Variants in QTGAL observed in about 807,000 individuals in gnomAD.
QTGAL encodes the protein queuosine-tRNA galactosyltransferase, also known as BGnT-like protein 1.
the QTGAL span, among the ~76,000 whole-genome samples, chr17:83,046,091 TGGGATAACA>T: frequency 6.7e-6 from 1 of 150,288 alleles, no homozygotes; most frequent in Non-Finnish European, 1.5e-5. Context: ...CCCAAAGTGC[TGGGATAACA>T]GGCATGACCC....
At chr17:83,026,816 C>G in the QTGAL span, among the ~76,000 whole-genome samples, 4,338 of 34,298 alleles carry the variant, frequency 0.13, 9 homozygotes, top group African/African-American at 0.28. Context: ...ACACACAGAG[C>G]AGGGCGGGGA....
At chr17:83,048,155 T>C in the QTGAL span, among the ~76,000 whole-genome samples, 1 of 152,098 alleles carries the variant, frequency 6.6e-6, no homozygotes, top group African/African-American at 2.4e-5. Flanking sequence ...GCCTCCCAAG[T>C]AGTTGGGATT....
the QTGAL span, among the ~76,000 whole-genome samples, chr17:82,970,249 G>C: frequency 6.6e-6 from 1 of 152,204 alleles, no homozygotes; most frequent in Non-Finnish European, 1.5e-5. Context: ...TGGCACATCC[G>C]TGAATACCCC....
At chr17:82,998,430 C>G in the QTGAL span, among the ~76,000 whole-genome samples, 1 of 152,212 alleles carries the variant, frequency 6.6e-6, no homozygotes, top group Admixed American at 6.5e-5. Context: ...ACTGCAAGCT[C>G]TGCCTCCCGG....
chr17:83,036,430 G>A, the QTGAL span, among the ~76,000 whole-genome samples: 30 of 152,328 alleles, frequency 2.0e-4, no homozygotes, highest in South Asian at 4.1e-4. Context: ...TCAGGGTGCC[G>A]GTTACATGGT....
the QTGAL span, among the ~76,000 whole-genome samples, chr17:83,011,975 AAC>A: frequency 1.4e-5 from 2 of 146,496 alleles, no homozygotes; most frequent in African/African-American, 5.1e-5. Context: ...AGCTCGTTTG[AAC>A]ACACGCCACG....
the QTGAL span, among the ~76,000 whole-genome samples, chr17:82,951,504 T>C: frequency 6.6e-6 from 1 of 152,226 alleles, no homozygotes; most frequent in East Asian, 1.9e-4. Flanking sequence ...CCACTAACAC[T>C]TTCTCCCTAT....
chr17:82,943,874 C>G, the QTGAL span: 3 of 152,188 alleles, frequency 2.0e-5, no homozygotes, highest in East Asian at 5.8e-4. Context: ...GCTGGGGTCA[C>G]GTGGTGAGGG....
chr17:82,989,889 G>A, the QTGAL span, among the ~76,000 whole-genome samples: 1 of 152,210 alleles, frequency 6.6e-6, no homozygotes, highest in African/African-American at 2.4e-5. Flanking sequence ...TACCACAGGA[G>A]TATATTACGG....
the QTGAL span, among the ~76,000 whole-genome samples, chr17:83,019,595 G>A: frequency 1.1e-4 from 17 of 152,302 alleles, no homozygotes; most frequent in African/African-American, 4.1e-4. Flanking sequence ...GAAAGATCTG[G>A]AGGCGGAGGC....
chr17:83,034,992 C>T, the QTGAL span: 1 of 1,431,252 alleles, frequency 7.0e-7, no homozygotes, highest in Non-Finnish European at 9.7e-7. Flanking sequence ...ATTCAACCAA[C>T]ATGTACACAT....
the QTGAL span, among the ~76,000 whole-genome samples, chr17:83,028,315 G>A: frequency 2.6e-5 from 4 of 151,794 alleles, no homozygotes; most frequent in South Asian, 8.3e-4. Flanking sequence ...ACGAGGTCAG[G>A]AGATCGAGAC....
At chr17:83,010,837 C>G in the QTGAL span, among the ~76,000 whole-genome samples, 2 of 152,218 alleles carry the variant, frequency 1.3e-5, no homozygotes, top group Non-Finnish European at 2.9e-5. Flanking sequence ...CCCCGACAGG[C>G]AAGCTGTGGC....
At chr17:82,956,447 C>T in the QTGAL span, among the ~76,000 whole-genome samples, 18 of 152,174 alleles carry the variant, frequency 1.2e-4, no homozygotes, top group Non-Finnish European at 2.2e-4. The surrounding 1 kb of genome is among the most constrained non-coding windows in gnomAD (Gnocchi z 5.7). Context: ...GAAGAGAGAC[C>T]GGAATCCATC....
the QTGAL span, chr17:82,942,735 G>GT: frequency 3.6e-6 from 2 of 552,782 alleles, no homozygotes. Flanking sequence ...AGCCTGATGT[G>GT]TGTAGGGGTG....
the QTGAL span, among the ~76,000 whole-genome samples, chr17:83,032,270 C>G: frequency 1.9e-4 from 14 of 74,382 alleles, no homozygotes; most frequent in African/African-American, 9.5e-4. Flanking sequence ...GGCCTCCGAC[C>G]CAGACCGAGC....
chr17:83,023,498 A>C, the QTGAL span, among the ~76,000 whole-genome samples: 1 of 152,274 alleles, frequency 6.6e-6, no homozygotes, highest in African/African-American at 2.4e-5. Context: ...CAAATATAGA[A>C]GTCAGGTGGC....
At chr17:82,985,691 G>A in the QTGAL span, among the ~76,000 whole-genome samples, 3 of 152,126 alleles carry the variant, frequency 2.0e-5, no homozygotes, top group East Asian at 1.9e-4. Flanking sequence ...CCTAATACGC[G>A]GGACTGAATC....
At chr17:82,986,799 T>C in the QTGAL span, among the ~76,000 whole-genome samples, 1 of 152,270 alleles carries the variant, frequency 6.6e-6, no homozygotes. Flanking sequence ...TTTCATTACA[T>C]GGTGCGATCA....
Sources: allele counts gnomAD v4.1 joint callset (sites outside exome capture counted in the v4.1 genomes callset), GRCh38; gene constraint gnomAD v4.1.1; non-coding constraint Gnocchi (gnomAD v3.1); transcripts MANE v1.5; gene names NCBI Gene and HGNC (gene_info 2026-07-23, HGNC 2026-07-21).